FSTL5: variants seen among roughly 807,000 people sequenced by gnomAD.
FSTL5 encodes the protein follistatin-related protein 5.
In FSTL5, 62 loss-of-function variants were observed where a neutral mutation model predicts 89.1. The observed-to-expected ratio is 0.70, with a 90% CI of 0.57 to 0.86. The LOEUF is 0.86. Among genes scored for constraint, FSTL5 ranks in the 40% least tolerant of loss-of-function variants. The probability of loss-of-function intolerance (pLI) is 0.00; values close to 1 mark genes in which losing one functional copy is unlikely to be tolerated. For missense variants in FSTL5, 1,057 were observed against 1,001.6 expected (o/e 1.06, Z -0.75); for synonymous variants, 383 against 346.2 (o/e 1.11, Z -1.18).
intron 6 of FSTL5, among the ~76,000 whole-genome samples, chr4:161,677,240 TAAAG>T (rs1737336737): frequency 1.3e-5 from 2 of 150,800 alleles, no homozygotes; most frequent in South Asian, 4.2e-4. Flanking sequence ...TATTTCCAAA[TAAAG>T]AAAGAATACA....
intron 4 of FSTL5, among the ~76,000 whole-genome samples, chr4:161,804,489 T>C (rs1323016732): frequency 1.3e-5 from 2 of 151,964 alleles, no homozygotes; most frequent in South Asian, 2.1e-4. Context: ...TGGGCAAATA[T>C]GTTAAACAAT....
At chr4:161,884,123 C>T (rs1354243716) in intron 4 of FSTL5, among the ~76,000 whole-genome samples, 2 of 151,882 alleles carry the variant, frequency 1.3e-5, no homozygotes, top group Non-Finnish European at 2.9e-5. Flanking sequence ...GATCTCAGCT[C>T]ACTGCAACCT....
Position 161,533,777 on chromosome 4 carries a change from C to A in FSTL5, c.1312+4389G>T, listed in dbSNP as rs374669802. On this transcript the variant is annotated intron_variant, in intron 10 of 15. Coordinates refer to ENST00000306100, the MANE Select transcript of FSTL5 (RefSeq NM_020116.5). ...TCTTGCAGAGTCACAACAACAACAA[C>A]AAAAAAGAAAACTTCAGGATAATAT... 2.5e-4 allele frequency among the ~76,000 whole-genome samples: 38 copies of A among 151,688 alleles called. 1 individual carries two copies. In the South Asian group the frequency reaches 7.7e-3, roughly 31 times the overall value.
At chr4:161,602,615 A>G (rs1185219678) in intron 7 of FSTL5, among the ~76,000 whole-genome samples, 1 of 152,184 alleles carries the variant, frequency 6.6e-6, no homozygotes, top group Non-Finnish European at 1.5e-5. Context: ...CCAAAGATAA[A>G]GAGAAATGTT....
rs114345678 is a variant in FSTL5, at chr4:161,859,742, C to A, written c.409+60662G>T. Among the ~76,000 whole-genome samples, 619 of 152,156 alleles carry A rather than the reference C, an allele frequency of 4.1e-3. 4 individuals carry two copies. The highest frequency in any genetic ancestry group is 0.015 in the African/African-American group (602 of 41,492). On this transcript the variant is annotated intron_variant, in intron 4 of 15. Transcript: ENST00000306100. ...GGAATAGAAGGGAGGTATAGCAACC[C>A]ATGTGAGGTAGCAGAGGCTTGAATA...
intron 6 of FSTL5, among the ~76,000 whole-genome samples, chr4:161,749,723 C>A (rs1297052013): frequency 6.6e-6 from 1 of 151,718 alleles, no homozygotes; most frequent in Non-Finnish European, 1.5e-5. Flanking sequence ...ACCCGACAGG[C>A]GGAGCTTGCA....
At chr4:161,592,937 G>A (rs1252849333) in intron 7 of FSTL5, among the ~76,000 whole-genome samples, 3 of 152,232 alleles carry the variant, frequency 2.0e-5, no homozygotes, top group South Asian at 4.2e-4. Flanking sequence ...AGCTTTTTAA[G>A]TTGTAATTGG....
chr4:162,091,918 T>C (rs1730564669), intron 2 of FSTL5, among the ~76,000 whole-genome samples: 1 of 151,214 alleles, frequency 6.6e-6, no homozygotes, highest in Non-Finnish European at 1.5e-5. Flanking sequence ...AGAATATATG[T>C]ATATTTTATA....
At chr4:161,551,515 C>A (rs1560949806) in intron 8 of FSTL5, among the ~76,000 whole-genome samples, 1 of 151,860 alleles carries the variant, frequency 6.6e-6, no homozygotes, top group Non-Finnish European at 1.5e-5. Flanking sequence ...CAAAAAAGAG[C>A]CCGCATTGCC....
At chr4:161,769,272 T>C (rs1741126002) in intron 5 of FSTL5, among the ~76,000 whole-genome samples, 2 of 151,908 alleles carry the variant, frequency 1.3e-5, no homozygotes, top group East Asian at 1.9e-4. Context: ...AAAGAACTAA[T>C]ACTAATCTTA....
intron 4 of FSTL5, among the ~76,000 whole-genome samples, chr4:161,804,637 T>A (rs1378321418): frequency 6.6e-6 from 1 of 151,916 alleles, no homozygotes; most frequent in Non-Finnish European, 1.5e-5. Context: ...TCAATAGAAA[T>A]TTAATAAGGA....
intron 1 of FSTL5, among the ~76,000 whole-genome samples, chr4:162,124,218 T>C (rs1561032046): frequency 6.6e-6 from 1 of 152,186 alleles, no homozygotes; most frequent in Non-Finnish European, 1.5e-5. Flanking sequence ...AGATAGCTAT[T>C]ACATTGAATT....
chr4:161,765,382 A>C (rs1428749034), intron 5 of FSTL5, among the ~76,000 whole-genome samples: 3 of 152,190 alleles, frequency 2.0e-5, no homozygotes, highest in African/African-American at 7.2e-5. Flanking sequence ...TTTATCTGTG[A>C]GATAAAACGG....
chr4:161,595,377 T>C (rs4431173), intron 7 of FSTL5, among the ~76,000 whole-genome samples: 2,684 of 152,084 alleles, frequency 0.018, 43 homozygotes, highest in South Asian at 0.047. Flanking sequence ...CAATGGACAC[T>C]CCATAAATAT....
intron 10 of FSTL5, among the ~76,000 whole-genome samples, chr4:161,526,005 G>T (rs1231052702): frequency 6.6e-6 from 1 of 151,994 alleles, no homozygotes; most frequent in Non-Finnish European, 1.5e-5. Context: ...TAGTTTTGTG[G>T]GGGTTGACTT....
intron 6 of FSTL5, among the ~76,000 whole-genome samples, chr4:161,683,980 G>T (rs1737616555): frequency 6.6e-6 from 1 of 152,118 alleles, no homozygotes; most frequent in Non-Finnish European, 1.5e-5. Context: ...TCCCACTTAT[G>T]AGTGAAAACA....
intron 7 of FSTL5, among the ~76,000 whole-genome samples, chr4:161,620,441 G>T (rs1735080736): frequency 6.6e-6 from 1 of 152,148 alleles, no homozygotes; most frequent in Non-Finnish European, 1.5e-5. Context: ...GGTCACCTGA[G>T]GTCGGCATTT....
intron 4 of FSTL5, among the ~76,000 whole-genome samples, chr4:161,809,014 C>A (rs537712726): frequency 8.1e-4 from 124 of 152,198 alleles, no homozygotes; most frequent in African/African-American, 2.9e-3. Flanking sequence ...GTCAGAAGAT[C>A]GAGACCATCC....
intron 3 of FSTL5, among the ~76,000 whole-genome samples, chr4:161,956,874 G>C (rs1334471828): frequency 2.0e-5 from 3 of 151,618 alleles, no homozygotes; most frequent in African/African-American, 4.8e-5. Context: ...CATTTAAGTT[G>C]GTATTCTTTA....
Sources: allele counts gnomAD v4.1 joint callset (sites outside exome capture counted in the v4.1 genomes callset), GRCh38; gene constraint gnomAD v4.1.1; transcripts MANE v1.5; gene names NCBI Gene and HGNC (gene_info 2026-07-23, HGNC 2026-07-21).